The following MAP3K19 variants were observed in gnomAD, a reference collection of about 807,000 sequenced individuals.
MAP3K19 encodes the protein SPS1/STE20-related protein kinase YSK4.
A neutral mutation model predicts 114.4 loss-of-function variants in MAP3K19; 91 were observed. The ratio of observed to expected loss-of-function variants is 0.80; its 90% CI spans 0.67 to 0.95. The LOEUF is 0.95. Among genes scored for constraint, MAP3K19 ranks in the 40% least tolerant of loss-of-function variants. The pLI is 0.00. For missense variants in MAP3K19, 1,471 were observed against 1,573.2 expected, an observed-to-expected ratio of 0.94 and a Z score of 1.10; for synonymous variants, 518 against 530.5, an observed-to-expected ratio of 0.98 and a Z score of 0.32.
chr2:134,989,749 G>T (rs999570879), intron 9 of MAP3K19, among the ~76,000 whole-genome samples: 2 of 152,074 alleles, frequency 1.3e-5, no homozygotes, highest in Non-Finnish European at 2.9e-5. Context: ...GGAAAGAAAA[G>T]AATTGCCTAA....
At chr2:135,032,356 GAA>G (rs760579264) in intron 2 of MAP3K19, among the ~76,000 whole-genome samples, 8 of 72,190 alleles carry the variant, frequency 1.1e-4, no homozygotes, top group African/African-American at 1.3e-4. Flanking sequence ...GACTCTGTCT[GAA>G]AAAAAAAAAA....
intron 8 of MAP3K19, among the ~76,000 whole-genome samples, chr2:134,995,293 G>T (rs184250740): frequency 6.7e-6 from 1 of 148,446 alleles, no homozygotes; most frequent in African/African-American, 2.5e-5. Flanking sequence ...TCCAAGCATG[G>T]GTGACAGAGT....
chr2:134,985,696 T>C, intron 10 of MAP3K19, 104 bp downstream of exon 10: 1 of 1,041,006 alleles, frequency 9.6e-7, no homozygotes, highest in South Asian at 1.9e-5. Flanking sequence ...AACTATTTAA[T>C]TGTTTAGGGT....
rs939484515 is a variant in MAP3K19 at position 134,996,985 on chromosome 2, G to A, written c.574+1753C>T. The stretch of plus-strand genomic sequence containing the variant: ...GATCGCTTGAGCCCAGGAGGCAGAG[G>A]TTGCAGTGAGCCAAGATCACGCCAC... On this transcript the variant is annotated intron_variant, in intron 8 of 12. Coordinates refer to ENST00000392915, the MANE Select transcript of MAP3K19 (RefSeq NM_025052.5). Among the ~76,000 whole-genome samples the A allele has an allele frequency of 4.6e-5, 7 of 152,134 alleles. No homozygotes were observed. In the South Asian group the frequency reaches 1.5e-3, roughly 32 times the overall value.
chr2:135,000,396 G>A (rs1450541219), intron 6 of MAP3K19, among the ~76,000 whole-genome samples: 1 of 152,146 alleles, frequency 6.6e-6, no homozygotes. Flanking sequence ...GCTTGTATTT[G>A]TAATTTTGGT....
intron 12 of MAP3K19, among the ~76,000 whole-genome samples, chr2:134,971,042 G>T (rs1450698988): frequency 6.6e-6 from 1 of 152,138 alleles, no homozygotes; most frequent in Non-Finnish European, 1.5e-5. Context: ...TCTGTATGAT[G>T]TTAGCTGTGG....
intron 5 of MAP3K19, among the ~76,000 whole-genome samples, chr2:135,008,984 C>G (rs1687025977): frequency 1.3e-5 from 2 of 152,020 alleles, no homozygotes; most frequent in African/African-American, 4.8e-5. Flanking sequence ...CAGAGTCTTG[C>G]TCTGTTGCCC....
chr2:135,005,746 G>T (rs1354121880), intron 5 of MAP3K19, among the ~76,000 whole-genome samples: 1 of 152,156 alleles, frequency 6.6e-6, no homozygotes, highest in African/African-American at 2.4e-5. Flanking sequence ...AATCAAAAAT[G>T]AGGAGCAAAG....
Position 134,987,831 on chromosome 2 carries a change from C to T in MAP3K19, c.1041G>A (p.Glu347=), listed in dbSNP as rs1331384981. ...TTTTACTACCATGGCAGTCAATATC[C>T]TCTTCCCTAACTGCAGGAATATTGC... is the stretch of plus-strand genomic sequence containing the variant. ...KEGNIPAVRE[E]DIDCHGSKTR... Residue 347 remains glutamate, a synonymous_variant, in exon 10 of 13, where the codon GAG becomes GAA. Coordinates refer to ENST00000392915, the MANE Select transcript of MAP3K19 (RefSeq NM_025052.5). 1.7e-5 allele frequency: 28 copies of T among 1,609,326 alleles called. No individual in the cohort carries two copies. The highest frequency in any genetic ancestry group is 2.3e-5 in the Non-Finnish European group (27 of 1,180,014).
At chr2:134,964,964 C>A (rs752032943) in intron 12 of MAP3K19, 48 bp from the exon 13 acceptor site, 2 of 1,355,310 alleles carry the variant, frequency 1.5e-6, no homozygotes, top group South Asian at 2.4e-5. Flanking sequence ...AGTAATGAGA[C>A]TGCCAATGTA....
chr2:134,986,136 T>G lies in MAP3K19; in HGVS notation c.2736A>C (p.Gln912His). The G allele has an allele frequency of 6.2e-7, 1 of 1,614,038 alleles. No homozygotes were observed. The highest frequency in any genetic ancestry group is 8.5e-7 in the Non-Finnish European group (1 of 1,179,972). ...TLTNFSFQAK[Q>H]ESASSQTYQY... is the part of the protein sequence containing the mutation. Reference sequence around the variant, plus strand: ...GATATGTCTGGGAAGATGCACTTTCTTGTTTTGCTTGGAAAGAGAAATTTG... The same window carrying G: ...GATATGTCTGGGAAGATGCACTTTCGTGTTTTGCTTGGAAAGAGAAATTTG... Residue 912 changes from glutamine (Q) to histidine (H), a missense_variant, in exon 10 of 13, where the codon CAA becomes CAC. By Grantham distance (24) the Gln-to-His change is conservative (BLOSUM62 0). Coordinates refer to ENST00000392915, the MANE Select transcript of MAP3K19 (RefSeq NM_025052.5).
At position 135,047,364 on chromosome 2, in the gene MAP3K19, C is replaced by T. The variant is rs1257850457; in HGVS notation, c.-603G>A. 6.6e-6 allele frequency: 1 copy of T among 152,088 alleles called. No homozygotes were observed. Among genetic ancestry groups the T allele is most frequent in the Admixed American group, 6.6e-5 (1 of 15,266 alleles). The allele number at this position is 152,088 out of a possible 1,614,324, so 9.4% of individuals were successfully genotyped here. A position where few individuals can be genotyped will look rare whatever the true frequency, so the allele number is the denominator to read the frequency against. On this transcript the variant is annotated 5_prime_UTR_variant, in exon 1 of 13. Coordinates refer to ENST00000392915, the MANE Select transcript of MAP3K19 (RefSeq NM_025052.5). ...AGATTTTTTTTTCAGTGTTGTACAG[C>T]CCAAATAATTTTTCCTTTTAAATTT... is the stretch of plus-strand genomic sequence containing the variant.
chr2:135,031,073 C>T (rs1688368944), intron 2 of MAP3K19, among the ~76,000 whole-genome samples: 2 of 151,770 alleles, frequency 1.3e-5, no homozygotes, highest in Admixed American at 1.3e-4. Context: ...TAAGAACTGT[C>T]CTTGGTGCTG....
intron 5 of MAP3K19, among the ~76,000 whole-genome samples, chr2:135,006,229 T>C (rs1686799981): frequency 6.6e-6 from 1 of 152,258 alleles, no homozygotes; most frequent in African/African-American, 2.4e-5. Flanking sequence ...CTGATGATTT[T>C]GTGCCTTTAA....
intron 8 of MAP3K19, among the ~76,000 whole-genome samples, chr2:134,994,743 A>G (rs1197536774): frequency 6.6e-6 from 1 of 152,216 alleles, no homozygotes; most frequent in African/African-American, 2.4e-5. Flanking sequence ...CCACCTATTC[A>G]GCTCCTTTGA....
At chr2:134,976,131 T>A (rs1305622100) in intron 12 of MAP3K19, among the ~76,000 whole-genome samples, 1 of 152,058 alleles carries the variant, frequency 6.6e-6, no homozygotes, top group Non-Finnish European at 1.5e-5. Context: ...CACAAGAAGA[T>A]GTAAGTAGGG....
intron 8 of MAP3K19, among the ~76,000 whole-genome samples, chr2:134,997,836 A>G (rs1686129761): frequency 6.7e-6 from 1 of 148,606 alleles, no homozygotes; most frequent in Admixed American, 6.7e-5. Flanking sequence ...AAAAACTTTA[A>G]GCACTGCTTC....
At chr2:135,031,334 G>C (rs1442600150) in intron 2 of MAP3K19, among the ~76,000 whole-genome samples, 1 of 152,086 alleles carries the variant, frequency 6.6e-6, no homozygotes, top group Non-Finnish European at 1.5e-5. Flanking sequence ...GACTCAGCCA[G>C]GCAGACTGGG....
chr2:134,973,644 G>GGTTT (rs1166741901), intron 12 of MAP3K19, among the ~76,000 whole-genome samples: 24 of 151,638 alleles, frequency 1.6e-4, no homozygotes, highest in South Asian at 4.2e-4. Context: ...TTTTCTGGTT[G>GGTTT]GTTTGTTTGT....
Sources: allele counts gnomAD v4.1 joint callset (sites outside exome capture counted in the v4.1 genomes callset), GRCh38; gene constraint gnomAD v4.1.1; transcripts MANE v1.5; gene names NCBI Gene and HGNC (gene_info 2026-07-23, HGNC 2026-07-21).